The following ASH1L variants were observed in gnomAD, a reference collection of about 807,000 sequenced individuals.
The protein encoded by ASH1L is histone-lysine N-methyltransferase ASH1L.
A neutral mutation model predicts 269.0 loss-of-function variants in ASH1L; 23 were observed. The observed-to-expected ratio is 0.09, with a 90% confidence interval of 0.06 to 0.12. The LOEUF is 0.12. Ranked by LOEUF, ASH1L falls within the 10% of genes least tolerant of loss-of-function variation. The pLI is 1.00. For missense variants in ASH1L, 2,912 were observed against 3,567.8 expected (o/e 0.82, Z 4.68); for synonymous variants, 1,187 against 1,253.5 (o/e 0.95, Z 1.12).
At chr1:155,449,366 T>C (rs1663291195) in intron 4 of ASH1L, among the ~76,000 whole-genome samples, 1 of 152,256 alleles carries the variant, frequency 6.6e-6, no homozygotes, top group Non-Finnish European at 1.5e-5. Flanking sequence ...ATAACTTGTG[T>C]TACTGAATTC....
intron 7 of ASH1L, among the ~76,000 whole-genome samples, chr1:155,381,498 C>G (rs1656939629): frequency 6.8e-6 from 1 of 147,070 alleles, no homozygotes; most frequent in African/African-American, 2.5e-5. Flanking sequence ...TGCAGTGAGC[C>G]AAGATTGCAC....
rs781430604 is a variant in ASH1L, at chr1:155,478,644, T to A, written c.4226A>T (p.Tyr1409Phe). 6.2e-7 allele frequency: 1 copy of A among 1,613,904 alleles called. No individual in the cohort carries two copies. The highest frequency in any genetic ancestry group is 8.5e-7 in the Non-Finnish European group (1 of 1,179,992). ...GYYGRYPPTL[Y>F]PPPPSPSFTT... ...GAAAGAAGGAGATGGAGGAGGTGGA[T>A]AAAGAGTGGGAGGATACCTTCCATA... Residue 1409 changes from tyrosine to phenylalanine, a missense_variant, in exon 3 of 28, where the codon TAT (tyrosine) becomes TTT (phenylalanine). Coordinates refer to ENST00000392403, the MANE Select transcript of ASH1L (RefSeq NM_018489.3). This position sits in a 1 kb window ranked among gnomAD's most constrained non-coding sequence, Gnocchi z 4.6.
chr1:155,441,525 T>G (rs571173888), intron 4 of ASH1L, among the ~76,000 whole-genome samples: 2,894 of 132,324 alleles, frequency 0.022, 100 homozygotes, highest in African/African-American at 0.074. Context: ...TGCAGTGGCA[T>G]GAACTTGGCT....
At chr1:155,470,362 G>A (rs1665004667) in intron 3 of ASH1L, among the ~76,000 whole-genome samples, 1 of 151,970 alleles carries the variant, frequency 6.6e-6, no homozygotes, top group Admixed American at 6.6e-5. Context: ...AGGAGGCTGA[G>A]GCAGGAGAAT....
At chr1:155,509,240 C>T (rs1668011598) in intron 2 of ASH1L, among the ~76,000 whole-genome samples, 1 of 152,040 alleles carries the variant, frequency 6.6e-6, no homozygotes. Flanking sequence ...AATGATTTGC[C>T]AGGCTGGGAC....
In ASH1L at chr1:155,349,589, G is replaced by A; in HGVS notation, c.7374C>T (p.Ser2458=). 1 of 1,613,792 alleles carries A rather than the reference G, an allele frequency of 6.2e-7. No individual in the cohort carries two copies. The highest frequency in any genetic ancestry group is 1.1e-5 in the South Asian group (1 of 91,056). The change falls in exon 18 of 28, where the codon TCC becomes TCT. Residue 2458 remains serine, a synonymous_variant. Coordinates refer to ENST00000392403, the MANE Select transcript of ASH1L (RefSeq NM_018489.3). ...AAAGTGGAGCTGCCAGTGCTTGCCG[G>A]GAAGAATCTGCAAAAGAATGTGAGG... is the stretch of plus-strand genomic sequence containing the variant. ...CDGIISYKDS[S]RQALAAPLLN...
At chr1:155,452,227 C>A (rs1020363803) in intron 4 of ASH1L, among the ~76,000 whole-genome samples, 8 of 149,968 alleles carry the variant, frequency 5.3e-5, no homozygotes, top group Non-Finnish European at 1.0e-4. Flanking sequence ...TTAGTAGAGA[C>A]GGGGTTTTGC....
At chr1:155,348,897 A>ATATAT (rs545641703) in intron 19 of ASH1L, among the ~76,000 whole-genome samples, 10 of 31,492 alleles carry the variant, frequency 3.2e-4, no homozygotes, top group East Asian at 3.8e-3. Context: ...AAAAAAAAAA[A>ATATAT]AAATATATAT....
Position 155,521,602 on chromosome 1 carries a change from G to A in ASH1L, c.-83C>T, listed in dbSNP as rs747779512. On this transcript the variant is annotated 5_prime_UTR_variant, in exon 2 of 28. Transcript: ENST00000392403. ...TAAAAAACAAGGATCTCCAAAACTC[G>A]AAACCAGCATCTTTCTCTGCAGAAC... 5.3e-6 allele frequency: 7 copies of A among 1,316,672 alleles called. No homozygotes were observed. Among genetic ancestry groups the A allele is most frequent in the Non-Finnish European group, 7.3e-6 (7 of 960,086 alleles). 81.6% of individuals were successfully genotyped at this position (1,316,672 alleles called of 1,614,324 possible).
At chr1:155,559,261 G>T (rs994563850) in intron 1 of ASH1L, among the ~76,000 whole-genome samples, 5 of 152,042 alleles carry the variant, frequency 3.3e-5, no homozygotes, top group African/African-American at 1.2e-4. Flanking sequence ...AGATGAGGCC[G>T]GGCGCGGTGG....
Position 155,478,052 on chromosome 1 carries a change from A to G in ASH1L, c.4818T>C (p.Leu1606=). The G allele has an allele frequency of 6.2e-7, 1 of 1,614,202 alleles. No homozygotes were observed. The highest frequency in any genetic ancestry group is 8.5e-7 in the Non-Finnish European group (1 of 1,180,036). ...EPASSDEHTN[L]FTSAIGSCRV... ...TGCAGCTGCCTATTGCACTTGTGAAAAGGTTTGTATGTTCATCACTGCTGG... is the reference window on the plus strand; with the variant it reads ...TGCAGCTGCCTATTGCACTTGTGAAGAGGTTTGTATGTTCATCACTGCTGG... Residue 1606 remains leucine (L), a synonymous_variant, in exon 3 of 28, where the codon CTT becomes CTC. Transcript: ENST00000392403. The surrounding 1 kb of genome is among the most constrained non-coding windows in gnomAD (Gnocchi z 4.6).
chr1:155,373,414 G>A (rs1446611775), intron 10 of ASH1L, among the ~76,000 whole-genome samples: 3 of 151,058 alleles, frequency 2.0e-5, no homozygotes, highest in African/African-American at 7.3e-5. Flanking sequence ...CAGCTTCCTG[G>A]GTAGCTGGGA....
In ASH1L at chr1:155,521,127, T is replaced by C. The variant is rs1490251060; in HGVS notation, c.393A>G (p.Glu131=). The change falls in exon 2 of 28, where the codon GAA becomes GAG. Residue 131 remains glutamate, a synonymous_variant. Coordinates refer to ENST00000392403, the MANE Select transcript of ASH1L (RefSeq NM_018489.3). ...KALKSGKMTD[E]KNEHCPSKRD... ...GTTTTGAAGGACAGTGTTCATTCTT[T>C]TCATCCGTCATCTTTCCACTTTTAA... 2.5e-5 allele frequency: 40 copies of C among 1,605,328 alleles called. No homozygotes were observed. Among genetic ancestry groups the C allele is most frequent in the Non-Finnish European group, 3.2e-5 (38 of 1,177,530 alleles).
intron 2 of ASH1L, among the ~76,000 whole-genome samples, chr1:155,492,718 C>T (rs180955116): frequency 6.0e-5 from 9 of 150,514 alleles, no homozygotes; most frequent in East Asian, 1.9e-4. Flanking sequence ...TTCATAATAA[C>T]GTTTGAATAT....
chr1:155,427,504 G>A (rs182277490), intron 5 of ASH1L, among the ~76,000 whole-genome samples: 5 of 152,042 alleles, frequency 3.3e-5, no homozygotes, highest in East Asian at 3.9e-4. Context: ...GGGTTTCGCC[G>A]TGTTGGCCAG....
chr1:155,496,281 G>C (rs553351522), intron 2 of ASH1L, among the ~76,000 whole-genome samples: 1 of 152,284 alleles, frequency 6.6e-6, no homozygotes, highest in South Asian at 2.1e-4. Flanking sequence ...ACATCATTAG[G>C]TGACAGGAAT....
intron 2 of ASH1L, among the ~76,000 whole-genome samples, chr1:155,515,687 G>C (rs1331060983): frequency 6.6e-6 from 1 of 151,786 alleles, no homozygotes; most frequent in Non-Finnish European, 1.5e-5. Flanking sequence ...AATTAGCCAG[G>C]TATGGTGGCA....
At position 155,459,855 on chromosome 1, in the gene ASH1L, C is replaced by T. The variant is rs1254526031; in HGVS notation, c.5028G>A (p.Glu1676=). Residue 1676 remains glutamate (E), a synonymous_variant, in exon 4 of 28, where the codon GAG becomes GAA. Coordinates refer to ENST00000392403, the MANE Select transcript of ASH1L (RefSeq NM_018489.3). ...TCCGGGTAGGGCTACAATTTGTGCT[C>T]TCTGATGGCCGCTGGGAGGGTTTAT... The part of the protein sequence containing the change: ...TSDKPSQRPS[E]STNCSPTRKR... 6.2e-7 allele frequency: 1 copy of T among 1,612,536 alleles called. No individual in the cohort carries two copies. Among genetic ancestry groups the T allele is most frequent in the Non-Finnish European group, 8.5e-7 (1 of 1,179,426 alleles).
chr1:155,465,289 C>CAAAAAAAAAAAAAA (rs1171228344), intron 3 of ASH1L, among the ~76,000 whole-genome samples: 124 of 62,500 alleles, frequency 2.0e-3, no homozygotes, highest in East Asian at 4.1e-3. Flanking sequence ...TACAAATTAG[C>CAAAAAAAAAAAAAA]AAAAAAAAAA....
Sources: allele counts gnomAD v4.1 joint callset (sites outside exome capture counted in the v4.1 genomes callset), GRCh38; gene constraint gnomAD v4.1.1; non-coding constraint Gnocchi (gnomAD v3.1); transcripts MANE v1.5; gene names NCBI Gene and HGNC (gene_info 2026-07-23, HGNC 2026-07-21).